The following TOGARAM2 variants were observed in gnomAD, a reference collection of about 807,000 sequenced individuals.
TOGARAM2 encodes the protein TOG array regulator of axonemal microtubules 2.
A neutral mutation model predicts 93.3 loss-of-function variants in TOGARAM2; 85 were observed. That is an observed-to-expected ratio of 0.91 (90% CI 0.76 to 1.09). The LOEUF is 1.09. Among genes scored for constraint, TOGARAM2 ranks in the 50% least tolerant of loss-of-function variants. The pLI is 0.00. For synonymous variants in TOGARAM2, 593 were observed against 552.8 expected, an observed-to-expected ratio of 1.07 and a Z score of -1.02; for missense variants, 1,277 against 1,334.5, an observed-to-expected ratio of 0.96 and a Z score of 0.67.
chr2:29,041,462 G>A (rs1572783350), intron 18 of TOGARAM2, among the ~76,000 whole-genome samples: 1 of 152,304 alleles, frequency 6.6e-6, no homozygotes, highest in East Asian at 1.9e-4. Flanking sequence ...AAACCAGCGC[G>A]TCATAACTTA....
intron 14 of TOGARAM2, among the ~76,000 whole-genome samples, chr2:29,029,757 A>G (rs1469759546): frequency 7.3e-5 from 11 of 151,350 alleles, no homozygotes; most frequent in African/African-American, 1.9e-4. Context: ...CTCTGTCTAA[A>G]AAAAAAAAAA....
At chr2:29,006,367 TGCA>T (rs1354032111) in intron 6 of TOGARAM2, among the ~76,000 whole-genome samples, 5 of 150,024 alleles carry the variant, frequency 3.3e-5, no homozygotes, top group African/African-American at 1.2e-4. Context: ...TGCATGTGTG[TGCA>T]TGTGTATGTG....
chr2:29,006,057 G>GTA (rs1553339186), intron 6 of TOGARAM2, among the ~76,000 whole-genome samples: 24 of 50,600 alleles, frequency 4.7e-4, no homozygotes, highest in East Asian at 3.1e-3. Context: ...TGGAGTGTGT[G>GTA]TGTATGTGTA....
chr2:28,987,627 T>C (rs1410552692), intron 1 of TOGARAM2, among the ~76,000 whole-genome samples: 2 of 152,238 alleles, frequency 1.3e-5, no homozygotes, highest in African/African-American at 4.8e-5. Flanking sequence ...TCAGTCACAC[T>C]ACAGTTACTG....
rs534222430 is a variant in TOGARAM2, at chr2:28,988,335, A to G, written c.-110-6390A>G. On this transcript the variant is annotated intron_variant, in intron 1 of 19. Transcript: ENST00000379558. ...TCCAGCTCTCATGTGCAGCAGACTC[A>G]CCTCCCTCTTCACTGCCAATATCAA... is the stretch of plus-strand genomic sequence containing the variant. 1.4e-4 allele frequency among the ~76,000 whole-genome samples: 21 copies of G among 151,694 alleles called. No homozygotes were observed. In the East Asian group the frequency reaches 4.1e-3, roughly 29 times the overall value.
chr2:28,996,888 T>C (rs908162060), intron 2 of TOGARAM2, among the ~76,000 whole-genome samples: 1 of 152,136 alleles, frequency 6.6e-6, no homozygotes, highest in African/African-American at 2.4e-5. Context: ...TTTTTTATTC[T>C]TTTTTATGGC....
At chr2:28,979,235 G>C (rs950520608), upstream of TOGARAM2, among the ~76,000 whole-genome samples, 3 of 152,098 alleles carry the variant, frequency 2.0e-5, no homozygotes, top group African/African-American at 7.2e-5. Flanking sequence ...CTTACCTCGG[G>C]GATTTCATGT....
upstream of TOGARAM2, among the ~76,000 whole-genome samples, chr2:28,977,451 G>T (rs1326838913): frequency 2.0e-5 from 3 of 152,158 alleles, no homozygotes; most frequent in East Asian, 3.9e-4. Flanking sequence ...CACCAGCCCA[G>T]GGGGTCAGAA....
chr2:28,983,042 C>G (rs773206178), intron 1 of TOGARAM2, among the ~76,000 whole-genome samples: 6 of 144,668 alleles, frequency 4.1e-5, no homozygotes, highest in Non-Finnish European at 9.1e-5. Context: ...GGTGGGAGTA[C>G]AGTGGCATGA....
intron 12 of TOGARAM2, among the ~76,000 whole-genome samples, chr2:29,023,759 T>G (rs1251045427): frequency 6.6e-6 from 1 of 151,696 alleles, no homozygotes; most frequent in African/African-American, 2.4e-5. Context: ...CTCTGCAAAG[T>G]GAGGCATCCA....
intron 14 of TOGARAM2, among the ~76,000 whole-genome samples, chr2:29,031,915 T>C (rs1665786529): frequency 6.6e-6 from 1 of 152,230 alleles, no homozygotes; most frequent in Non-Finnish European, 1.5e-5. Flanking sequence ...TTTTAGATGC[T>C]TCCTGCTTCA....
At chr2:28,967,849 A>G (rs1193003380) in intron 1 of TOGARAM2, among the ~76,000 whole-genome samples, 5 of 111,570 alleles carry the variant, frequency 4.5e-5, no homozygotes, top group African/African-American at 1.4e-4. Context: ...CTGTCGCTCT[A>G]TTGCCCAGGC....
chr2:28,969,812 C>CTT (rs66931912), intron 1 of TOGARAM2, among the ~76,000 whole-genome samples: 59,846 of 127,688 alleles, frequency 0.47, 15,242 homozygotes, highest in Middle Eastern at 0.56. Context: ...GGTTGTCTTC[C>CTT]TTTTTTTTTT....
chr2:28,996,865 A>G (rs1308691780), intron 2 of TOGARAM2, among the ~76,000 whole-genome samples: 2 of 150,024 alleles, frequency 1.3e-5, no homozygotes, highest in Non-Finnish European at 3.0e-5. Flanking sequence ...TGCAAGTGGC[A>G]GGATTTGATT....
chr2:29,031,136 G>A (rs1665745447), intron 14 of TOGARAM2, among the ~76,000 whole-genome samples: 1 of 152,300 alleles, frequency 6.6e-6, no homozygotes, highest in African/African-American at 2.4e-5. Flanking sequence ...CTTCAGTTGG[G>A]CTAGGCAGTG....
chr2:29,034,485 G>A (rs983113841), intron 16 of TOGARAM2, among the ~76,000 whole-genome samples: 6 of 152,172 alleles, frequency 3.9e-5, no homozygotes, highest in Non-Finnish European at 8.8e-5. Context: ...CTCATCTCAC[G>A]GTTCTCAGTG....
intron 12 of TOGARAM2, among the ~76,000 whole-genome samples, chr2:29,023,867 T>TCA (rs1665141134): frequency 2.0e-5 from 3 of 152,228 alleles, no homozygotes; most frequent in Non-Finnish European, 2.9e-5. Flanking sequence ...GTTGCAAAGA[T>TCA]CAAATCAGAC....
intron 3 of TOGARAM2, 38 bp from the exon 4 acceptor site, chr2:28,999,143 A>G: frequency 6.4e-7 from 1 of 1,563,846 alleles, no homozygotes; most frequent in East Asian, 2.3e-5. Context: ...CACCCTGGGT[A>G]CTGCGTGCCA....
intron 1 of TOGARAM2, among the ~76,000 whole-genome samples, chr2:28,973,426 C>CCCTTCCTTCCCTTT (rs1553333624): frequency 1.7e-5 from 2 of 117,508 alleles, no homozygotes; most frequent in Non-Finnish European, 3.3e-5. Flanking sequence ...CTTCTTTCCT[C>CCCTTCCTTCCCTTT]CCTTCCTTCC....
Sources: allele counts gnomAD v4.1 joint callset (sites outside exome capture counted in the v4.1 genomes callset), GRCh38; gene constraint gnomAD v4.1.1; transcripts MANE v1.5; gene names NCBI Gene and HGNC (gene_info 2026-07-23, HGNC 2026-07-21).